The following RECQL variants were observed in gnomAD, a reference collection of about 807,000 sequenced individuals.
RECQL encodes the protein RecQ like helicase, also known as ATP-dependent DNA helicase Q1.
RECQL carries 73 observed loss-of-function variants against 75.8 expected under a neutral mutation model. The observed-to-expected ratio is 0.96, with a 90% confidence interval of 0.80 to 1.17. The LOEUF is 1.17. Among genes scored for constraint, RECQL ranks in the 50% most tolerant of loss-of-function variants. The pLI is 0.00. For synonymous variants in RECQL, 248 were observed against 254.4 expected, an observed-to-expected ratio of 0.97 and a Z score of 0.24; for missense variants, 699 against 772.1, an observed-to-expected ratio of 0.91 and a Z score of 1.12.
intron 2 of RECQL, among the ~76,000 whole-genome samples, chr12:21,492,628 C>T (rs1943435035): frequency 6.6e-6 from 1 of 152,214 alleles, no homozygotes; most frequent in African/African-American, 2.4e-5. Context: ...ATTTACAAGG[C>T]AGAAATAAAG....
At chr12:21,473,741 A>G in intron 11 of RECQL, 99 bp from the exon 12 acceptor site, 2 of 868,774 alleles carry the variant, frequency 2.3e-6, no homozygotes, top group Non-Finnish European at 3.6e-6. Context: ...TTAGCTTCCT[A>G]TAACTGCCAT....
chr12:21,491,118 T>G (rs1193787875), intron 3 of RECQL, among the ~76,000 whole-genome samples: 1 of 152,198 alleles, frequency 6.6e-6, no homozygotes, highest in African/African-American at 2.4e-5. Flanking sequence ...AATTATTCTA[T>G]TATTCTATTT....
chr12:21,472,350 C>A (rs1378402655), intron 12 of RECQL, among the ~76,000 whole-genome samples: 1 of 152,012 alleles, frequency 6.6e-6, no homozygotes, highest in Non-Finnish European at 1.5e-5. Flanking sequence ...GAGAGCAAGC[C>A]AACAGAGTAA....
At chr12:21,496,386 T>C (rs897317329) in intron 2 of RECQL, among the ~76,000 whole-genome samples, 2 of 152,248 alleles carry the variant, frequency 1.3e-5, no homozygotes, top group Non-Finnish European at 2.9e-5. Context: ...CATAGGGGAA[T>C]AGTATAGCAC....
chr12:21,475,524 A>G lies in RECQL; in HGVS notation c.1160T>C (p.Ile387Thr). Residue 387 changes from isoleucine to threonine, a missense_variant, in exon 10 of 15, where the codon ATC becomes ACC. Around this residue, in one of 2 missense-constraint regions of RECQL, gnomAD observed 669 missense variants for 713.5 expected, o/e 0.94. Coordinates refer to ENST00000444129, the MANE Select transcript of RECQL (RefSeq NM_002907.4). ...CATGGATTTACTCATTGAATGATGG[A>G]TAACAAACCTCACATCTGGCTTATC... ...GIDKPDVRFV[I>T]HHSMSKSMEN... 5 of 1,613,068 alleles carry G rather than the reference A, an allele frequency of 3.1e-6. No homozygotes were observed. Among genetic ancestry groups the G allele is most frequent in the Non-Finnish European group, 4.2e-6 (5 of 1,179,316 alleles).
intron 14 of RECQL, 46 bp downstream of exon 14, chr12:21,470,923 A>G: frequency 6.7e-6 from 9 of 1,333,692 alleles, no homozygotes; most frequent in Non-Finnish European, 8.7e-6. Context: ...ATAGGCTTTA[A>G]TATACTTTTT....
chr12:21,488,900 C>T (rs1591987117), intron 4 of RECQL, among the ~76,000 whole-genome samples: 1 of 152,346 alleles, frequency 6.6e-6, no homozygotes, highest in East Asian at 1.9e-4. Context: ...CTGACTGCCA[C>T]ATAGAAATTC....
At chr12:21,470,605 G>C (rs1451187838) in intron 14 of RECQL, 1 of 383,032 alleles carries the variant, frequency 2.6e-6, no homozygotes, top group African/African-American at 2.1e-5. Context: ...TGCTTTTGCA[G>C]ACTTGATAGT....
At chr12:21,473,684 TAA>T in intron 11 of RECQL, 42 bp from the exon 12 acceptor site, 1 of 1,537,106 alleles carries the variant, frequency 6.5e-7, no homozygotes, top group Non-Finnish European at 8.9e-7. Context: ...AAGGATATAA[TAA>T]AGTTTTAAGA....
At chr12:21,494,321 G>A (rs1835039114) in intron 2 of RECQL, among the ~76,000 whole-genome samples, 2 of 152,170 alleles carry the variant, frequency 1.3e-5, no homozygotes, top group Non-Finnish European at 2.9e-5. Flanking sequence ...ATGAGATTAG[G>A]AGGAGACACA....
intron 7 of RECQL, among the ~76,000 whole-genome samples, chr12:21,477,329 A>C (rs1025193417): frequency 2.6e-5 from 4 of 152,324 alleles, no homozygotes; most frequent in Middle Eastern, 3.4e-3. Context: ...TATTAAATCT[A>C]TTCTTAAAAG....
chr12:21,492,858 G>T (rs11046082), intron 2 of RECQL, among the ~76,000 whole-genome samples: 3,599 of 152,284 alleles, frequency 0.024, 140 homozygotes, highest in African/African-American at 0.081. Context: ...CAGCTTTTCA[G>T]CAGGGCACCA....
chr12:21,490,119 T>C (rs1434581354), intron 4 of RECQL, 80 bp downstream of exon 4: 1 of 717,998 alleles, frequency 1.4e-6, no homozygotes. Flanking sequence ...TGTATGATTA[T>C]AAATTATTTT....
chr12:21,488,313 C>G (rs1031165879), intron 4 of RECQL, among the ~76,000 whole-genome samples: 6 of 152,292 alleles, frequency 3.9e-5, no homozygotes, highest in Admixed American at 2.6e-4. Context: ...CTATATGTTG[C>G]TACTCTTTCT....
chr12:21,486,367 T>C (rs1943296051), intron 5 of RECQL, 112 bp downstream of exon 5: 1 of 1,322,334 alleles, frequency 7.6e-7, no homozygotes, highest in African/African-American at 1.5e-5. Flanking sequence ...AGTTTGTAAC[T>C]CCTGATATAA....
chr12:21,495,803 A>G (rs1439355293), intron 2 of RECQL, among the ~76,000 whole-genome samples: 3 of 152,294 alleles, frequency 2.0e-5, no homozygotes, highest in East Asian at 1.9e-4. Flanking sequence ...TGTATTTAAG[A>G]AAGTCAGTGT....
intron 5 of RECQL, among the ~76,000 whole-genome samples, chr12:21,484,840 C>A: frequency 6.6e-6 from 1 of 151,474 alleles, no homozygotes; most frequent in Admixed American, 6.6e-5. Flanking sequence ...GAAAGAAAAC[C>A]TTAAAAATCT....
At chr12:21,473,681 T>C (rs1943028959) in intron 11 of RECQL, 39 bp from the exon 12 acceptor site, 1 of 1,547,906 alleles carries the variant, frequency 6.5e-7, no homozygotes, top group Non-Finnish European at 8.9e-7. Flanking sequence ...TTAAAGGATA[T>C]AATAAAGTTT....
Position 21,498,733 on chromosome 12 carries a change from T to C in RECQL, c.16+822A>G, listed in dbSNP as rs536492124. On this transcript the variant is annotated intron_variant, in intron 2 of 14. Transcript: ENST00000444129. Reference sequence around the variant, plus strand: ...TGTGATTAAAGTTAATTGAAAACTATAATAACCAAATATAGGAAACTACTA... The same window carrying C: ...TGTGATTAAAGTTAATTGAAAACTACAATAACCAAATATAGGAAACTACTA... Among the ~76,000 whole-genome samples the C allele has an allele frequency of 2.0e-5, 3 of 152,224 alleles. No homozygotes were observed. The East Asian group carries it at 5.8e-4, about 29-fold the overall frequency.
Sources: allele counts gnomAD v4.1 joint callset (sites outside exome capture counted in the v4.1 genomes callset), GRCh38; gene constraint gnomAD v4.1.1; regional missense constraint gnomAD v4.1.1; transcripts MANE v1.5; gene names NCBI Gene and HGNC (gene_info 2026-07-23, HGNC 2026-07-21).